AXL: variants seen among roughly 807,000 people sequenced by gnomAD.
The protein encoded by AXL is AXL receptor tyrosine kinase.
AXL carries 52 observed loss-of-function variants against 104.5 expected under a neutral mutation model. The observed-to-expected ratio is 0.50, with a 90% CI of 0.40 to 0.63. AXL has a LOEUF of 0.63. Ranked by LOEUF, AXL falls within the 20% of genes least tolerant of loss-of-function variation. AXL has a pLI of 0.00. For synonymous variants in AXL, 455 were observed against 473.7 expected (o/e 0.96, Z 0.51); for missense variants, 1,024 against 1,188.5 (o/e 0.86, Z 2.04).
intron 4 of AXL, among the ~76,000 whole-genome samples, chr19:41,225,680 G>C (rs1353089265): frequency 6.6e-6 from 1 of 152,142 alleles, no homozygotes; most frequent in Non-Finnish European, 1.5e-5. Context: ...ATGTACATCA[G>C]TGTCAGCCCG....
intron 4 of AXL, among the ~76,000 whole-genome samples, chr19:41,228,034 A>G (rs2033913597): frequency 6.6e-6 from 1 of 152,162 alleles, no homozygotes; most frequent in African/African-American, 2.4e-5. Flanking sequence ...CCATTGAAAT[A>G]TTTTTAGACC....
chr19:41,230,458 A>G (rs1343515270), intron 4 of AXL, among the ~76,000 whole-genome samples: 1 of 140,282 alleles, frequency 7.1e-6, no homozygotes, highest in East Asian at 2.2e-4. Context: ...GTGTGTCTTC[A>G]TGTGTGTTTG....
intron 12 of AXL, among the ~76,000 whole-genome samples, chr19:41,244,469 CTTTTTTCTTT>C (rs551839636): frequency 3.9e-4 from 59 of 151,586 alleles, no homozygotes; most frequent in South Asian, 2.1e-3. Context: ...ACACGGGTTT[CTTTTTTCTTT>C]TTTTTTCTTT....
At chr19:41,249,544 T>C (rs774744122) in intron 14 of AXL, among the ~76,000 whole-genome samples, 14 of 151,676 alleles carry the variant, frequency 9.2e-5, no homozygotes, top group Non-Finnish European at 1.6e-4. Flanking sequence ...TCACATGAGG[T>C]CAGGAGTTCG....
chr19:41,229,217 G>A (rs1221549372), intron 4 of AXL, among the ~76,000 whole-genome samples: 1 of 151,568 alleles, frequency 6.6e-6, no homozygotes, highest in African/African-American at 2.4e-5. Context: ...TCCTAAGGCT[G>A]GGATTACGGG....
intron 12 of AXL, chr19:41,243,912 T>C (rs2034227581): frequency 1.9e-6 from 1 of 520,212 alleles, no homozygotes; most frequent in Non-Finnish European, 3.4e-6. Flanking sequence ...CAGTAAATCT[T>C]AGAAACACCA....
chr19:41,251,619 C>T (rs2034362998), intron 14 of AXL, among the ~76,000 whole-genome samples: 2 of 151,456 alleles, frequency 1.3e-5, no homozygotes, highest in African/African-American at 4.9e-5. Flanking sequence ...CCCAGCTACT[C>T]AGGAAGGCAA....
In AXL at chr19:41,252,937, C is replaced by A. The variant is rs1245863500; in HGVS notation, c.1896C>A (p.Leu632=). ...FMKHGDLHSF[L]LYSRLGDQPV... ...AACATGGAGACCTACACAGCTTCCT[C>A]CTCTATTCCCGGCTCGGGGACCAGC... The change falls in exon 16 of 20, where the codon CTC becomes CTA. Residue 632 remains leucine (L), a synonymous_variant. Coordinates refer to ENST00000301178, the MANE Select transcript of AXL (RefSeq NM_021913.5). 2 of 1,614,158 alleles carry A rather than the reference C, an allele frequency of 1.2e-6. No homozygotes were observed.
intron 4 of AXL, among the ~76,000 whole-genome samples, chr19:41,225,969 G>A (rs530832907): frequency 5.9e-5 from 9 of 152,302 alleles, no homozygotes; most frequent in East Asian, 1.9e-4. Flanking sequence ...CGGAGAGCAG[G>A]GGTTGTGGGG....
At chr19:41,219,649 G>A (rs1196195782) in intron 1 of AXL, among the ~76,000 whole-genome samples, 172 bp downstream of exon 1, 5 of 151,710 alleles carry the variant, frequency 3.3e-5, no homozygotes, top group Non-Finnish European at 7.4e-5. Context: ...GACACCAAGT[G>A]CGGCAGAGGG....
chr19:41,220,093 C>T (rs2033759873), intron 1 of AXL, among the ~76,000 whole-genome samples: 1 of 152,060 alleles, frequency 6.6e-6, no homozygotes, highest in African/African-American at 2.4e-5. Context: ...CTCAGCCTCC[C>T]TCTGTGACTG....
In AXL at chr19:41,238,678, CAT is replaced by C. The variant is rs916861118; in HGVS notation, c.1134+71_1134+72del. On this transcript the variant is annotated intron_variant, in intron 8 of 19. Coordinates refer to ENST00000301178, the MANE Select transcript of AXL (RefSeq NM_021913.5). The stretch of plus-strand genomic sequence containing the variant: ...AGGGAGGAGAACATATCAGGGCAGA[CAT>C]AGATGGTTGTGAAGGTTGGGTAGTA... The C allele has an allele frequency of 3.3e-6, 5 of 1,522,244 alleles. No individual in the cohort carries two copies. The Admixed American group carries it at 6.5e-5, about 20-fold the overall frequency. 94.3% of individuals were successfully genotyped at this position (1,522,244 alleles called of 1,614,324 possible). A position where few individuals can be genotyped will look rare whatever the true frequency, so the allele number is the denominator to read the frequency against.
intron 6 of AXL, among the ~76,000 whole-genome samples, chr19:41,235,168 A>G (rs998630165): frequency 3.9e-4 from 60 of 152,200 alleles, no homozygotes; most frequent in African/African-American, 1.3e-3. Flanking sequence ...CCTGACCAAC[A>G]TGGAGTAACC....
At chr19:41,246,584 G>A (rs1568415852) in intron 12 of AXL, among the ~76,000 whole-genome samples, 1 of 151,828 alleles carries the variant, frequency 6.6e-6, no homozygotes, top group African/African-American at 2.4e-5. Flanking sequence ...GTGTGGTGGT[G>A]TACACCTATA....
chr19:41,252,852 G>A lies in AXL; in HGVS notation c.1811G>A (p.Cys604Tyr), dbSNP rs1252971970. The change falls in exon 16 of 20, where the codon TGT (cysteine) becomes TAT (tyrosine). Residue 604 changes from cysteine to tyrosine, a missense_variant. Cys to Tyr is a radical substitution (Grantham distance 194). Transcript: ENST00000301178. ...HPNVMRLIGV[C>Y]FQGSERESFP... ...GGCTACCTGGGGGGCTCAGGTGTCT[G>A]TTTCCAGGGTTCTGAACGAGAGAGC... 1.9e-6 allele frequency: 3 copies of A among 1,613,880 alleles called. No homozygotes were observed. The highest frequency in any genetic ancestry group is 2.5e-6 in the Non-Finnish European group (3 of 1,180,034).
intron 12 of AXL, among the ~76,000 whole-genome samples, chr19:41,244,985 C>T (rs1342356705): frequency 6.6e-6 from 1 of 150,904 alleles, no homozygotes; most frequent in Admixed American, 6.6e-5. Context: ...GGATGGAGTG[C>T]AGTGGCTTGA....
At chr19:41,219,526 G>A (rs770793832) in intron 1 of AXL, 49 bp downstream of exon 1, 9 of 1,558,764 alleles carry the variant, frequency 5.8e-6, no homozygotes, top group Non-Finnish European at 6.1e-6. Flanking sequence ...GAGGGGCTGG[G>A]GCAGGGGTAG....
chr19:41,252,166 C>T (rs757154656), intron 14 of AXL, among the ~76,000 whole-genome samples, 185 bp from the exon 15 acceptor site: 12 of 141,980 alleles, frequency 8.5e-5, no homozygotes, highest in Non-Finnish European at 1.7e-4. Context: ...ATATTATATA[C>T]ACACACACAG....
intron 1 of AXL, 100 bp from the exon 2 acceptor site, chr19:41,220,536 C>T (rs1029695149): frequency 7.2e-5 from 74 of 1,020,904 alleles, no homozygotes; most frequent in Admixed American, 5.7e-4. Flanking sequence ...AAGGGCCTGG[C>T]GGGGTCCTGG....
Sources: allele counts gnomAD v4.1 joint callset (sites outside exome capture counted in the v4.1 genomes callset), GRCh38; gene constraint gnomAD v4.1.1; transcripts MANE v1.5; gene names NCBI Gene and HGNC (gene_info 2026-07-23, HGNC 2026-07-21).